Variants in SPOP observed in about 807,000 individuals in gnomAD.
SPOP encodes speckle type BTB/POZ protein.
Under a neutral mutation model 45.6 loss-of-function variants are expected in SPOP, and 11 were observed. The ratio of observed to expected loss-of-function variants is 0.24; its 90% CI spans 0.15 to 0.40. The LOEUF is 0.40. SPOP is among the 10% of genes least tolerant of loss of function. The probability of loss-of-function intolerance (pLI) is 1.00; values close to 1 mark genes in which losing one functional copy is unlikely to be tolerated. For synonymous variants in SPOP, 166 were observed against 166.3 expected, an observed-to-expected ratio of 1.00 and a Z score of 0.01; for missense variants, 152 against 465.6, an observed-to-expected ratio of 0.33 and a Z score of 6.20.
At chr17:49,608,041 G>T in intron 6 of SPOP, 112 bp from the exon 7 acceptor site, 2 of 775,056 alleles carry the variant, frequency 2.6e-6, no homozygotes, top group Admixed American at 2.6e-5. Context: ...CTATAGGAAA[G>T]GTCTCTACCT....
intron 1 of SPOP, among the ~76,000 whole-genome samples, chr17:49,662,665 C>T (rs1192912336): frequency 6.7e-6 from 1 of 149,402 alleles, no homozygotes; most frequent in Non-Finnish European, 1.5e-5. Context: ...CCAGCCTGGG[C>T]GACAGGGGGA....
intron 1 of SPOP, among the ~76,000 whole-genome samples, chr17:49,652,288 A>G (rs1441649537): frequency 6.6e-6 from 1 of 152,232 alleles, no homozygotes; most frequent in Non-Finnish European, 1.5e-5. Context: ...GAGTCACCAG[A>G]GAGACAGATT....
intron 1 of SPOP, among the ~76,000 whole-genome samples, chr17:49,666,584 T>C (rs1436610654): frequency 6.6e-6 from 1 of 151,996 alleles, no homozygotes; most frequent in African/African-American, 2.4e-5. Flanking sequence ...TCCCAGTACT[T>C]TGAAAGGCCG....
intron 1 of SPOP, among the ~76,000 whole-genome samples, chr17:49,630,663 G>A (rs888252127): frequency 2.0e-5 from 3 of 151,948 alleles, no homozygotes; most frequent in Non-Finnish European, 4.4e-5. Flanking sequence ...TGTTGCCTAG[G>A]CTGGTCTCAA....
chr17:49,607,152 T>C, intron 8 of SPOP, 98 bp downstream of exon 8: 1 of 1,531,266 alleles, frequency 6.5e-7, no homozygotes, highest in South Asian at 1.2e-5. Flanking sequence ...CCAAGATATA[T>C]GCTCATTTTA....
chr17:49,655,498 G>A (rs369856594), intron 1 of SPOP, among the ~76,000 whole-genome samples: 30 of 151,504 alleles, frequency 2.0e-4, no homozygotes, highest in African/African-American at 5.8e-4. Flanking sequence ...GCGACAGAGC[G>A]AGACTCCGTC....
At chr17:49,610,834 C>A (rs1330864331) in intron 6 of SPOP, among the ~76,000 whole-genome samples, 1 of 152,126 alleles carries the variant, frequency 6.6e-6, no homozygotes, top group East Asian at 1.9e-4. Flanking sequence ...ATGTCAGGGG[C>A]AAGAGTTTCA....
intron 5 of SPOP, among the ~76,000 whole-genome samples, chr17:49,617,083 T>TG (rs2072103759): frequency 6.6e-6 from 1 of 151,986 alleles, no homozygotes; most frequent in African/African-American, 2.4e-5. Flanking sequence ...GCAGCTGGAA[T>TG]GGATTGGGAA....
intron 6 of SPOP, among the ~76,000 whole-genome samples, chr17:49,610,064 T>G (rs1191234561): frequency 6.6e-6 from 1 of 152,056 alleles, no homozygotes; most frequent in Non-Finnish European, 1.5e-5. Flanking sequence ...GGTAATCTTT[T>G]AGGAGTTTGG....
At chr17:49,657,152 C>T (rs994886727) in intron 1 of SPOP, among the ~76,000 whole-genome samples, 2 of 151,126 alleles carry the variant, frequency 1.3e-5, no homozygotes, top group South Asian at 2.1e-4. Context: ...GCCGAGATTG[C>T]GCCACTGCAC....
At chr17:49,647,158 T>C (rs1263901345) in intron 1 of SPOP, among the ~76,000 whole-genome samples, 1 of 149,360 alleles carries the variant, frequency 6.7e-6, no homozygotes, top group African/African-American at 2.5e-5. Flanking sequence ...TAGCCAGGTG[T>C]GGTGGTGCAT....
intron 1 of SPOP, among the ~76,000 whole-genome samples, chr17:49,669,458 G>A (rs528677519): frequency 4.8e-5 from 7 of 146,310 alleles, no homozygotes; most frequent in African/African-American, 1.8e-4. Flanking sequence ...GTTGTAGTAC[G>A]GAATATTAAA....
intron 1 of SPOP, among the ~76,000 whole-genome samples, chr17:49,653,866 G>A (rs2072874223): frequency 6.6e-6 from 1 of 151,040 alleles, no homozygotes; most frequent in African/African-American, 2.4e-5. Context: ...GATATGATAT[G>A]TGGTACTTTG....
Position 49,605,720 on chromosome 17 carries a change from G to A in SPOP, c.837+1530C>T, listed in dbSNP as rs184456789. On this transcript the variant is annotated intron_variant, in intron 8 of 9. Coordinates refer to ENST00000504102, the MANE Select transcript of SPOP (RefSeq NM_001007228.2). ...GTAAATAAATAGACCAGGTGCAGTG[G>A]CTCACACCTGTAATCCCAGCACTTT... Among the ~76,000 whole-genome samples, 278 of 149,308 alleles carry A rather than the reference G, an allele frequency of 1.9e-3. 1 individual carries two copies. The highest frequency in any genetic ancestry group is 6.4e-3 in the African/African-American group (259 of 40,366).
At chr17:49,657,260 A>G (rs1455157905) in intron 1 of SPOP, among the ~76,000 whole-genome samples, 1 of 152,168 alleles carries the variant, frequency 6.6e-6, no homozygotes, top group Non-Finnish European at 1.5e-5. Context: ...TGCTGTTTAC[A>G]TATTTTTTCA....
intron 1 of SPOP, among the ~76,000 whole-genome samples, chr17:49,670,028 A>T (rs2073117765): frequency 6.6e-6 from 1 of 152,198 alleles, no homozygotes. Flanking sequence ...TTAGAAAATC[A>T]AAAGTCAAGA....
chr17:49,649,876 G>A (rs765167250), intron 1 of SPOP, among the ~76,000 whole-genome samples: 13 of 152,158 alleles, frequency 8.5e-5, no homozygotes, highest in Admixed American at 3.9e-4. Flanking sequence ...TTACTTTATA[G>A]TACATAGTTT....
At chr17:49,674,745 G>A (rs9911752) in intron 1 of SPOP, among the ~76,000 whole-genome samples, 1,581 of 152,312 alleles carry the variant, frequency 0.01, 34 homozygotes, top group African/African-American at 0.037. Context: ...AATACTAACA[G>A]AGAAACTAGC....
chr17:49,639,712 T>A (rs1161865810), intron 1 of SPOP, among the ~76,000 whole-genome samples: 2 of 152,148 alleles, frequency 1.3e-5, no homozygotes, highest in African/African-American at 4.8e-5. Context: ...TGGTTTAGAA[T>A]GAATCCTAGG....
Sources: gnomAD v4.1 joint callset for allele counts (sites outside exome capture counted in the v4.1 genomes callset) on GRCh38, gnomAD v4.1.1 for gene constraint, MANE v1.5 for transcripts, NCBI Gene and HGNC (gene_info 2026-07-23, HGNC 2026-07-21) for gene names.